C6: variants seen among roughly 807,000 people sequenced by gnomAD.
The protein encoded by C6 is complement C6, also known as complement component C6.
C6 carries 101 observed loss-of-function variants against 112.9 expected under a neutral mutation model. The ratio of observed to expected loss-of-function variants is 0.89; its 90% CI spans 0.76 to 1.06. The LOEUF is 1.06. Ranked by LOEUF, C6 falls within the 50% of genes least tolerant of loss-of-function variation. C6 has a pLI of 0.00. For synonymous variants in C6, 431 were observed against 384.1 expected, an observed-to-expected ratio of 1.12 and a Z score of -1.43; for missense variants, 1,202 against 1,104.6, an observed-to-expected ratio of 1.09 and a Z score of -1.25.
intron 1 of C6, among the ~76,000 whole-genome samples, chr5:41,232,185 T>G (rs1739945856): frequency 6.6e-6 from 1 of 152,160 alleles, no homozygotes; most frequent in Non-Finnish European, 1.5e-5. Flanking sequence ...AGGAAATATT[T>G]GAACATAAAA....
At chr5:41,228,557 C>A (rs539105765) in intron 1 of C6, among the ~76,000 whole-genome samples, 1 of 152,232 alleles carries the variant, frequency 6.6e-6, no homozygotes, top group South Asian at 2.1e-4. Context: ...AGCTTTCAAT[C>A]TTTCACTGTT....
chr5:41,168,282 C>T (rs1191757912), intron 9 of C6, among the ~76,000 whole-genome samples: 1 of 152,156 alleles, frequency 6.6e-6, no homozygotes, highest in Non-Finnish European at 1.5e-5. Flanking sequence ...AAAGTAATGG[C>T]TACCAAGAGG....
intron 5 of C6, among the ~76,000 whole-genome samples, chr5:41,189,144 GGA>G (rs1478455699): frequency 1.3e-5 from 2 of 152,034 alleles, no homozygotes; most frequent in African/African-American, 4.8e-5. Flanking sequence ...ATGAAGGTGT[GGA>G]GAAGTTGATT....
In C6 at chr5:41,228,099, A is replaced by T. The variant is rs180762405; in HGVS notation, c.-20-24849T>A. Among the ~76,000 whole-genome samples the T allele has an allele frequency of 9.6e-4, 146 of 152,246 alleles. 1 individual carries two copies. Among genetic ancestry groups the T allele is most frequent in the Non-Finnish European group, 1.7e-3 (116 of 68,010 alleles). On this transcript the variant is annotated intron_variant, in intron 1 of 17. Transcript: ENST00000263413. ...ACAATATTAATTCTTCCAATTTATA[A>T]CATGGGATATCTTTCCATTTACTTG...
upstream of C6, among the ~76,000 whole-genome samples, chr5:41,216,857 C>A (rs114198318): frequency 8.3e-3 from 1,261 of 152,162 alleles, 7 homozygotes; most frequent in Non-Finnish European, 0.012. Context: ...GTAGCACAAC[C>A]CTATTCAAAA....
At chr5:41,260,155 G>C (rs956391757) in intron 1 of C6, among the ~76,000 whole-genome samples, 1 of 151,944 alleles carries the variant, frequency 6.6e-6, no homozygotes, top group Non-Finnish European at 1.5e-5. Flanking sequence ...TGAATATTTT[G>C]CTTTTCGTCC....
chr5:41,170,723 A>C (rs1748359285), intron 9 of C6, among the ~76,000 whole-genome samples: 1 of 152,042 alleles, frequency 6.6e-6, no homozygotes, highest in Non-Finnish European at 1.5e-5. Flanking sequence ...TAAATATTAT[A>C]TTTTATTTGT....
At chr5:41,252,295 G>A (rs545127035) in intron 1 of C6, among the ~76,000 whole-genome samples, 2 of 152,248 alleles carry the variant, frequency 1.3e-5, no homozygotes, top group South Asian at 4.2e-4. Flanking sequence ...CCTTCCACCA[G>A]TCTGCATGGA....
chr5:41,233,357 A>G (rs547806822), intron 1 of C6, among the ~76,000 whole-genome samples: 2 of 152,180 alleles, frequency 1.3e-5, no homozygotes, highest in African/African-American at 2.4e-5. Context: ...TATTGTTACC[A>G]TTGTTTCTTG....
intron 7 of C6, among the ~76,000 whole-genome samples, chr5:41,180,701 TCTA>T (rs1749257823): frequency 6.6e-6 from 1 of 152,010 alleles, no homozygotes; most frequent in Non-Finnish European, 1.5e-5. Flanking sequence ...TTGAATAACA[TCTA>T]CTATCAAGAG....
intron 15 of C6, among the ~76,000 whole-genome samples, chr5:41,151,064 G>A (rs1235519852): frequency 6.6e-6 from 1 of 152,124 alleles, no homozygotes; most frequent in Non-Finnish European, 1.5e-5. Context: ...TTTATAAATA[G>A]TAGACAGTCT....
At chr5:41,155,256 C>A in intron 13 of C6, 152 bp from the exon 14 acceptor site, 1 of 706,030 alleles carries the variant, frequency 1.4e-6, no homozygotes, top group South Asian at 1.9e-5. Flanking sequence ...TGTTAAAGTT[C>A]TCTGCTTCCT....
intron 7 of C6, among the ~76,000 whole-genome samples, chr5:41,177,262 C>T (rs2150313446): frequency 6.6e-6 from 1 of 152,234 alleles, no homozygotes; most frequent in Non-Finnish European, 1.5e-5. Flanking sequence ...CTCCAAAATG[C>T]TGATTCTAAA....
intron 1 of C6, chr5:41,213,059 A>G (rs1188371239): frequency 6.6e-6 from 1 of 152,026 alleles, no homozygotes. Flanking sequence ...CTATCTTTCT[A>G]CCTTTACTAT....
intron 1 of C6, among the ~76,000 whole-genome samples, chr5:41,205,750 G>T (rs939100712): frequency 6.6e-6 from 1 of 152,326 alleles, no homozygotes. Context: ...GCCCACCACA[G>T]CTCAAGGAGG....
Position 41,172,260 on chromosome 5 carries a change from C to T in C6, c.1256G>A (p.Arg419Lys). 6.2e-7 allele frequency: 1 copy of T among 1,613,652 alleles called. No homozygotes were observed. Among genetic ancestry groups the T allele is most frequent in the Non-Finnish European group, 8.5e-7 (1 of 1,179,678 alleles). Residue 419 changes from arginine (R) to lysine (K), a missense_variant, in exon 9 of 18, where the codon AGG (arginine) becomes AAG (lysine). Coordinates refer to ENST00000337836, the MANE Select transcript of C6 (RefSeq NM_000065.5). ...LFAKKTKVEH[R>K]CTTNKLSEKH... Reference sequence around the variant, plus strand: ...CTCTGACAGCTTGTTGGTGGTGCACCTATGTTCCACTTTTGTTTTCTTAGC... The same window carrying T: ...CTCTGACAGCTTGTTGGTGGTGCACTTATGTTCCACTTTTGTTTTCTTAGC...
chr5:41,160,452 G>A, intron 10 of C6, 85 bp from the exon 11 acceptor site: 1 of 1,045,878 alleles, frequency 9.6e-7, no homozygotes, highest in African/African-American at 1.6e-5. Context: ...TGAAATGAGA[G>A]GGAAAGCCTG....
intron 15 of C6, chr5:41,153,004 G>C (rs1303626691): frequency 6.6e-6 from 1 of 152,286 alleles, no homozygotes. Flanking sequence ...CAGGGCAAGA[G>C]GATCCTCTGA....
At chr5:41,194,227 T>C (rs1361566913) in intron 5 of C6, among the ~76,000 whole-genome samples, 1 of 152,210 alleles carries the variant, frequency 6.6e-6, no homozygotes, top group Admixed American at 6.5e-5. Flanking sequence ...GAATATGTTG[T>C]TGAAGCACTT....
Sources: allele counts gnomAD v4.1 joint callset (sites outside exome capture counted in the v4.1 genomes callset), GRCh38; gene constraint gnomAD v4.1.1; transcripts MANE v1.5; gene names NCBI Gene and HGNC (gene_info 2026-07-23, HGNC 2026-07-21).